Variants in SPATA7 observed in about 807,000 individuals in gnomAD.
SPATA7 encodes spermatogenesis associated 7.
Under a neutral mutation model 51.8 loss-of-function variants are expected in SPATA7, and 43 were observed. The observed-to-expected ratio is 0.83, with a 90% CI of 0.65 to 1.07. The LOEUF (loss-of-function observed/expected upper bound fraction) is 1.07, where lower values mean the gene tolerates loss of function less well. Ranked by LOEUF, SPATA7 falls within the 50% of genes least tolerant of loss-of-function variation. The probability of loss-of-function intolerance (pLI) is 0.00; values close to 1 mark genes in which losing one functional copy is unlikely to be tolerated. For missense variants in SPATA7, 683 were observed against 701.3 expected (o/e 0.97, Z 0.30); for synonymous variants, 230 against 252.8 (o/e 0.91, Z 0.86).
At chr14:88,412,343 G>C (rs372999377) in intron 4 of SPATA7, among the ~76,000 whole-genome samples, 21 of 151,768 alleles carry the variant, frequency 1.4e-4, no homozygotes, top group African/African-American at 4.8e-4. Context: ...TGATCACAAG[G>C]TCCCACAATA....
At chr14:88,437,688 C>T (rs2077127369) in intron 11 of SPATA7, 91 bp downstream of exon 11, 13 of 1,346,384 alleles carry the variant, frequency 9.7e-6, no homozygotes, top group Non-Finnish European at 1.3e-5. Flanking sequence ...ACATTAAAAG[C>T]AAGTGCTTTT....
chr14:88,412,523 G>A (rs915799777), intron 4 of SPATA7, among the ~76,000 whole-genome samples: 15 of 152,140 alleles, frequency 9.9e-5, no homozygotes, highest in Admixed American at 2.6e-4. Flanking sequence ...ATGTTCGCTC[G>A]CAGCTGATTA....
chr14:88,448,571 G>A (rs1257112329), intron 3 of SPATA7, among the ~76,000 whole-genome samples: 1 of 152,204 alleles, frequency 6.6e-6, no homozygotes, highest in Non-Finnish European at 1.5e-5. Flanking sequence ...CTGCTTTTTA[G>A]AGTTTCCAGT....
intron 3 of SPATA7, among the ~76,000 whole-genome samples, chr14:88,449,230 C>A (rs571306338): frequency 1.4e-4 from 22 of 152,244 alleles, no homozygotes; most frequent in African/African-American, 5.3e-4. Flanking sequence ...TTAGCTCTGT[C>A]TTTGCTGTAT....
chr14:88,391,496 G>T, intron 2 of SPATA7, 41 bp downstream of exon 2: 1 of 1,547,018 alleles, frequency 6.5e-7, no homozygotes, highest in South Asian at 1.1e-5. Context: ...TTAGAAGATT[G>T]TCTGAGTGTT....
downstream of SPATA7, chr14:88,455,346 C>T (rs73329608): frequency 0.03 from 6,139 of 204,176 alleles, 371 homozygotes; most frequent in African/African-American, 0.13. Context: ...ACCTCTCTTG[C>T]CTGGTACATT....
At chr14:88,391,768 A>G in intron 2 of SPATA7, 1 of 376,130 alleles carries the variant, frequency 2.7e-6, no homozygotes, top group Non-Finnish European at 5.0e-6. Context: ...GGTGAGTAGC[A>G]GGTATTAAAG....
rs747677888 is a variant in SPATA7 at position 88,469,034 on chromosome 14, C to T, written c.255-813C>T. On this transcript the variant is annotated intron_variant, in intron 4 of 4. Transcript: ENST00000556406. This position sits in a 1 kb window ranked among gnomAD's most constrained non-coding sequence, Gnocchi z 4.3. ...GTTGGGGCTTTGGGGATCACTTGTG[C>T]TATTTGTATGGCGTCGAACAGACTG... 2.5e-6 allele frequency: 4 copies of T among 1,614,156 alleles called. No homozygotes were observed. The highest frequency in any genetic ancestry group is 1.7e-5 in the Admixed American group (1 of 60,024).
intron 4 of SPATA7, among the ~76,000 whole-genome samples, chr14:88,407,687 C>G (rs956404668): frequency 6.6e-6 from 1 of 152,186 alleles, no homozygotes; most frequent in Non-Finnish European, 1.5e-5. Flanking sequence ...GTGCACATGC[C>G]TATGTCCTGA....
At position 88,386,735 on chromosome 14, in the gene SPATA7, C is replaced by T. The variant is rs544527332; in HGVS notation, c.19+898C>T. Among the ~76,000 whole-genome samples the T allele has an allele frequency of 2.6e-5, 4 of 152,242 alleles. No homozygotes were observed. In the East Asian group the frequency reaches 7.7e-4, roughly 29 times the overall value. ...AGGCAATCTTTATAGACTCCCCGCC[C>T]CTCCCAATTCAGTGTTTTTATCTAT... On this transcript the variant is annotated intron_variant, in intron 1 of 11. Transcript: ENST00000393545.
intron 4 of SPATA7, among the ~76,000 whole-genome samples, chr14:88,407,193 C>T (rs559847400): frequency 3.9e-5 from 6 of 152,298 alleles, no homozygotes; most frequent in East Asian, 1.9e-4. Flanking sequence ...AATTGCCACA[C>T]GGTCTTCCAC....
At chr14:88,403,196 A>G (rs938794639) in intron 4 of SPATA7, among the ~76,000 whole-genome samples, 3 of 152,190 alleles carry the variant, frequency 2.0e-5, no homozygotes, top group African/African-American at 4.8e-5. Context: ...TGTGGAGGAA[A>G]GGGAACACTT....
chr14:88,441,278 TGC>T (rs2077177201), downstream of SPATA7, among the ~76,000 whole-genome samples: 1 of 152,192 alleles, frequency 6.6e-6, no homozygotes, highest in Non-Finnish European at 1.5e-5. Flanking sequence ...TCCATATTTT[TGC>T]AATTGTGAAT....
intron 1 of SPATA7, among the ~76,000 whole-genome samples, chr14:88,387,324 T>A (rs544773633): frequency 5.0e-4 from 76 of 152,290 alleles, no homozygotes; most frequent in Non-Finnish European, 8.4e-4. Context: ...GTTTATATTT[T>A]TACAACTTGC....
At chr14:88,463,572 C>T (rs1247441179) in intron 4 of SPATA7, among the ~76,000 whole-genome samples, 1 of 152,094 alleles carries the variant, frequency 6.6e-6, no homozygotes, top group Non-Finnish European at 1.5e-5. Flanking sequence ...CCACTGCTTA[C>T]CTTTCAGGGC....
Position 88,429,433 on chromosome 14 carries a change from A to C in SPATA7, c.998A>C (p.Lys333Thr). 1.9e-6 allele frequency: 3 copies of C among 1,612,298 alleles called. No individual in the cohort carries two copies. Among genetic ancestry groups the C allele is most frequent in the Non-Finnish European group, 2.5e-6 (3 of 1,178,590 alleles). Residue 333 changes from lysine (K) to threonine (T), a missense_variant, in exon 8 of 12, where the codon AAG (lysine) becomes ACG (threonine). Coordinates refer to ENST00000393545, the MANE Select transcript of SPATA7 (RefSeq NM_018418.5). ...CATGACTCAACATGGGATGAGATTA[A>C]GGATGATGCTCTTCAGCATTCCTCA... Reference protein sequence around the residue: ...EGHDSTWDEIKDDALQHSSPR... With the variant: ...EGHDSTWDEITDDALQHSSPR...
At chr14:88,402,959 C>CAAAAAAAAAA (rs56330042) in intron 4 of SPATA7, among the ~76,000 whole-genome samples, 173 of 61,632 alleles carry the variant, frequency 2.8e-3, no homozygotes, top group East Asian at 6.1e-3. Context: ...AACTCAATAG[C>CAAAAAAAAAA]AAAAAAAAAA....
intron 3 of SPATA7, among the ~76,000 whole-genome samples, chr14:88,448,633 T>G (rs2077230569): frequency 6.6e-6 from 1 of 152,214 alleles, no homozygotes; most frequent in Non-Finnish European, 1.5e-5. Context: ...CTTTTGGTCT[T>G]TGATGATGGT....
intron 5 of SPATA7, among the ~76,000 whole-genome samples, chr14:88,419,249 A>G (rs2076569698): frequency 6.6e-6 from 1 of 152,118 alleles, no homozygotes; most frequent in South Asian, 2.1e-4. Flanking sequence ...TTAGAGATAC[A>G]GAATACAGAT....
Sources: gnomAD v4.1 joint callset for allele counts (sites outside exome capture counted in the v4.1 genomes callset) on GRCh38, gnomAD v4.1.1 for gene constraint, Gnocchi (gnomAD v3.1) non-coding constraint, MANE v1.5 for transcripts, NCBI Gene and HGNC (gene_info 2026-07-23, HGNC 2026-07-21) for gene names.